Variants in RB1 observed in about 807,000 individuals in gnomAD.
RB1 encodes the protein retinoblastoma-associated protein.
In RB1, 18 loss-of-function variants were observed where a neutral mutation model predicts 135.4. That is an observed-to-expected ratio of 0.13 (90% CI 0.09 to 0.20). The LOEUF (loss-of-function observed/expected upper bound fraction) is 0.20, where lower values mean the gene tolerates loss of function less well. Ranked by LOEUF, RB1 falls within the 10% of genes least tolerant of loss-of-function variation. The pLI, the probability that RB1 is intolerant of heterozygous loss-of-function variation, is 1.00. For missense variants in RB1, 868 were observed against 1,110.0 expected (o/e 0.78, Z 3.10); for synonymous variants, 365 against 373.2 (o/e 0.98, Z 0.25).
chr13:48,416,111 C>T (rs146773863), intron 17 of RB1, among the ~76,000 whole-genome samples: 295 of 152,144 alleles, frequency 1.9e-3, no homozygotes, highest in African/African-American at 6.6e-3. Context: ...TTGGGGGGAG[C>T]GAAAATTAAA....
Position 48,412,085 on chromosome 13 carries a change from A to T in RB1, c.1695+30642A>T, listed in dbSNP as rs779502854. 2 of 1,613,062 alleles carry T rather than the reference A, an allele frequency of 1.2e-6. No individual in the cohort carries two copies. The highest frequency in any genetic ancestry group is 3.3e-5 in the Admixed American group (2 of 59,878). On this transcript the variant is annotated intron_variant, in intron 17 of 26. Coordinates refer to ENST00000267163, the MANE Select transcript of RB1 (RefSeq NM_000321.3). ...ATGGGTAGACAATTGCCAGAAATCG[A>T]TCTACACTAATACAGGTTAAGAACA...
intron 9 of RB1, among the ~76,000 whole-genome samples, chr13:48,365,291 A>G (rs1028452621): frequency 6.6e-6 from 1 of 152,212 alleles, no homozygotes; most frequent in African/African-American, 2.4e-5. Context: ...AATATAAACC[A>G]TTAAATTTGC....
rs984942657 is a variant in RB1 at position 48,325,059 on chromosome 13, A to G, written c.265-17540A>G. ...AACTTATGTCATGGGGGTTTGTTGT[A>G]CAGATTATTTCATTGCCCAGGAATG... On this transcript the variant is annotated intron_variant, in intron 2 of 26. Transcript: ENST00000267163. 3.3e-5 allele frequency among the ~76,000 whole-genome samples: 5 copies of G among 151,500 alleles called. No individual in the cohort carries two copies. In the East Asian group the frequency reaches 5.8e-4, roughly 18 times the overall value.
intron 17 of RB1, among the ~76,000 whole-genome samples, chr13:48,426,049 GA>G (rs1461756897): frequency 6.6e-6 from 1 of 152,104 alleles, no homozygotes; most frequent in Non-Finnish European, 1.5e-5. Flanking sequence ...ATGCATAAAG[GA>G]TAATAGAAAG....
At chr13:48,453,697 T>C (rs775764662) in intron 18 of RB1, among the ~76,000 whole-genome samples, 2 of 152,130 alleles carry the variant, frequency 1.3e-5, no homozygotes, top group Admixed American at 6.5e-5. Flanking sequence ...TCTCCAGTGA[T>C]GATTTTGAGG....
chr13:48,352,866 T>A (rs1161423708), intron 6 of RB1, among the ~76,000 whole-genome samples: 2 of 152,158 alleles, frequency 1.3e-5, no homozygotes, highest in Non-Finnish European at 2.9e-5. Flanking sequence ...ACCTGATTCC[T>A]CTGATTAGGA....
intron 17 of RB1, chr13:48,391,314 T>A (rs1948608969): frequency 6.6e-6 from 1 of 152,204 alleles, no homozygotes; most frequent in South Asian, 2.1e-4. Flanking sequence ...TACAATACAC[T>A]CATAACTTTT....
chr13:48,459,886 A>ATTTCTTTCTTTCTTTC (rs11405303), intron 20 of RB1, 53 bp downstream of exon 20: 1 of 987,274 alleles, frequency 1.0e-6, no homozygotes, highest in Non-Finnish European at 1.4e-6. Flanking sequence ...TTGTTAACTG[A>ATTTCTTTCTTTCTTTC]TTCTTTCTTT....
chr13:48,411,941 AC>A, intron 17 of RB1: 2 of 1,612,386 alleles, frequency 1.2e-6, no homozygotes, highest in Non-Finnish European at 1.7e-6. Flanking sequence ...AGGCATTGTT[AC>A]CCTGAGAGTG....
chr13:48,308,225 C>G (rs886789456), intron 2 of RB1, among the ~76,000 whole-genome samples: 1 of 151,526 alleles, frequency 6.6e-6, no homozygotes, highest in South Asian at 2.1e-4. Context: ...TGGTGTGTGC[C>G]TATAGTCCCA....
intron 2 of RB1, among the ~76,000 whole-genome samples, chr13:48,313,203 G>A (rs915609916): frequency 2.6e-4 from 39 of 151,492 alleles, no homozygotes; most frequent in African/African-American, 9.5e-4. Flanking sequence ...TTTTCTTTTA[G>A]CCTAAATTCT....
intron 10 of RB1, 148 bp from the exon 11 acceptor site, chr13:48,368,378 TG>T: frequency 2.1e-6 from 2 of 949,608 alleles, no homozygotes; most frequent in East Asian, 2.8e-5. Flanking sequence ...AAGCAGCAGC[TG>T]GGTCATCTAT....
At chr13:48,472,512 G>T (rs112758947) in intron 23 of RB1, among the ~76,000 whole-genome samples, 3 of 152,082 alleles carry the variant, frequency 2.0e-5, no homozygotes, top group African/African-American at 7.2e-5. Flanking sequence ...GTATACTTAG[G>T]TAGTTTTTTT....
chr13:48,405,205 GT>G (rs1398393100), intron 17 of RB1, among the ~76,000 whole-genome samples: 1 of 152,104 alleles, frequency 6.6e-6, no homozygotes, highest in African/African-American at 2.4e-5. Flanking sequence ...AAATCAGATA[GT>G]TTCATAAAGA....
chr13:48,395,176 TA>T (rs1255448628), intron 17 of RB1, among the ~76,000 whole-genome samples: 1 of 152,074 alleles, frequency 6.6e-6, no homozygotes, highest in Non-Finnish European at 1.5e-5. Context: ...GAAGGAGAAC[TA>T]ACAAACAGAA....
At chr13:48,334,261 T>C (rs760060069) in intron 2 of RB1, among the ~76,000 whole-genome samples, 1 of 152,192 alleles carries the variant, frequency 6.6e-6, no homozygotes, top group Non-Finnish European at 1.5e-5. Flanking sequence ...CTTCTTGGCT[T>C]TGCCACTCTT....
In RB1 at chr13:48,307,343, A is replaced by C. The variant is rs1268550381; in HGVS notation, c.201A>C (p.Pro67=). Residue 67 remains proline (P), a synonymous_variant, in exon 2 of 27, where the codon CCA becomes CCC. Coordinates refer to ENST00000267163, the MANE Select transcript of RB1 (RefSeq NM_000321.3). ...FTALCQKLKI[P]DHVRERAWLT... ...CATTATGTCAGAAATTAAAGATACC[A>C]GATCATGTCAGAGAGAGAGCTTGGT... 2.5e-6 allele frequency: 4 copies of C among 1,610,926 alleles called. No homozygotes were observed. Among genetic ancestry groups the C allele is most frequent in the Non-Finnish European group, 3.4e-6 (4 of 1,177,392 alleles).
At chr13:48,415,260 G>GT (rs1948888488) in intron 17 of RB1, among the ~76,000 whole-genome samples, 1 of 151,138 alleles carries the variant, frequency 6.6e-6, no homozygotes, top group Non-Finnish European at 1.5e-5. Flanking sequence ...TTCATCTATA[G>GT]TTTTTTCTTT....
At chr13:48,421,913 TTGG>T (rs1218363541) in intron 17 of RB1, among the ~76,000 whole-genome samples, 2 of 152,312 alleles carry the variant, frequency 1.3e-5, no homozygotes, top group South Asian at 2.1e-4. Flanking sequence ...TTTTACACTG[TTGG>T]TGGGAGTGTA....
Sources: gnomAD v4.1 joint callset for allele counts (sites outside exome capture counted in the v4.1 genomes callset) on GRCh38, gnomAD v4.1.1 for gene constraint, MANE v1.5 for transcripts, NCBI Gene and HGNC (gene_info 2026-07-23, HGNC 2026-07-21) for gene names.